The following ZNRF3 variants were observed in gnomAD, a reference collection of about 807,000 sequenced individuals.
ZNRF3 encodes the protein zinc and ring finger 3, also known as E3 ubiquitin-protein ligase ZNRF3.
ZNRF3 carries 23 observed loss-of-function variants against 72.5 expected under a neutral mutation model. That is an observed-to-expected ratio of 0.32 (90% CI 0.23 to 0.45). The LOEUF (loss-of-function observed/expected upper bound fraction) is 0.45, where lower values mean the gene tolerates loss of function less well. Among genes scored for constraint, ZNRF3 ranks in the 20% least tolerant of loss-of-function variants. The pLI is 1.00. For missense variants in ZNRF3, 1,169 were observed against 1,272.1 expected, an observed-to-expected ratio of 0.92 and a Z score of 1.23; for synonymous variants, 610 against 545.3, an observed-to-expected ratio of 1.12 and a Z score of -1.65.
chr22:28,890,592 T>G (rs901065059), intron 1 of ZNRF3, among the ~76,000 whole-genome samples: 3 of 152,180 alleles, frequency 2.0e-5, no homozygotes, highest in Non-Finnish European at 2.9e-5. Context: ...GTTCTTTTCC[T>G]GATGAAACTG....
At chr22:28,932,055 T>G (rs1428697147) in intron 1 of ZNRF3, among the ~76,000 whole-genome samples, 2 of 152,212 alleles carry the variant, frequency 1.3e-5, no homozygotes, top group Non-Finnish European at 2.9e-5. Context: ...ACAGGTGTAG[T>G]GCGTGGCACC....
intron 2 of ZNRF3, among the ~76,000 whole-genome samples, chr22:29,007,052 A>G (rs1430417503): frequency 6.6e-6 from 1 of 152,246 alleles, no homozygotes; most frequent in African/African-American, 2.4e-5. Context: ...TGAAATCCTT[A>G]CAGTATCCCC....
intron 1 of ZNRF3, among the ~76,000 whole-genome samples, chr22:28,947,989 C>T (rs1435942467): frequency 2.6e-5 from 4 of 151,946 alleles, no homozygotes; most frequent in African/African-American, 7.3e-5. Flanking sequence ...GGACTACAGG[C>T]GTGTGCCACC....
Position 28,884,056 on chromosome 22 carries a change from A to T in ZNRF3, c.290A>T (p.Glu97Val). ...RAGATLSAEG[E>V]IVQMHPLGLC... ...GGGGCCACGCTCAGCGCCGAGGGCG[A>T]GATCGTGCAGGTAGCTGCCCGCCGC... is the stretch of plus-strand genomic sequence containing the variant. Residue 97 changes from glutamate (E) to valine (V), a missense_variant, in exon 1 of 9, where the codon GAG (glutamate) becomes GTG (valine). Coordinates refer to ENST00000544604, the MANE Select transcript of ZNRF3 (RefSeq NM_001206998.2). 1 of 1,243,418 alleles carries T rather than the reference A, an allele frequency of 8.0e-7. No individual in the cohort carries two copies. The highest frequency in any genetic ancestry group is 1.0e-6 in the Non-Finnish European group (1 of 971,466). 77.0% of individuals were successfully genotyped at this position (1,243,418 alleles called of 1,614,324 possible).
chr22:28,932,494 G>A (rs992484360), intron 1 of ZNRF3, among the ~76,000 whole-genome samples: 1 of 152,166 alleles, frequency 6.6e-6, no homozygotes, highest in African/African-American at 2.4e-5. Flanking sequence ...GAGAATCTCA[G>A]GCAGTGTGAG....
At position 28,978,051 on chromosome 22, in the gene ZNRF3, TAGTC is replaced by T. The variant is rs1461850826; in HGVS notation, c.301-9020_301-9017del. Reference sequence around the variant, plus strand: ...AACATGAAACCACATGAAACCATGATAGTCAGTCTCACTGGGCTCTGAGGAAGTT... The same window carrying T: ...AACATGAAACCACATGAAACCATGATAGTCTCACTGGGCTCTGAGGAAGTT... On this transcript the variant is annotated intron_variant, in intron 1 of 8. Coordinates refer to ENST00000544604, the MANE Select transcript of ZNRF3 (RefSeq NM_001206998.2). Among the ~76,000 whole-genome samples, 14 of 152,362 alleles carry T rather than the reference TAGTC, an allele frequency of 9.2e-5. No individual in the cohort carries two copies. The East Asian group carries it at 1.5e-3, about 17-fold the overall frequency.
intron 1 of ZNRF3, among the ~76,000 whole-genome samples, chr22:28,957,831 G>A (rs978992421): frequency 3.8e-4 from 58 of 152,250 alleles, no homozygotes; most frequent in African/African-American, 1.4e-3. Context: ...AATAAATGTT[G>A]TGTGCAGTTT....
chr22:29,028,139 T>C (rs1416879880), intron 2 of ZNRF3, among the ~76,000 whole-genome samples: 1 of 152,190 alleles, frequency 6.6e-6, no homozygotes, highest in Non-Finnish European at 1.5e-5. Flanking sequence ...CTTAGATCCT[T>C]AAGAATAAAG....
intron 1 of ZNRF3, among the ~76,000 whole-genome samples, chr22:28,889,174 A>G (rs1002020898): frequency 6.6e-6 from 1 of 152,210 alleles, no homozygotes; most frequent in African/African-American, 2.4e-5. Context: ...CCAAGTGAAC[A>G]GAACTTGGCT....
intron 1 of ZNRF3, among the ~76,000 whole-genome samples, chr22:28,919,083 C>T (rs1028005714): frequency 2.6e-5 from 4 of 152,186 alleles, no homozygotes; most frequent in Admixed American, 2.0e-4. Flanking sequence ...TGAGTATTTG[C>T]AGCCAAGGAG....
chr22:29,020,884 C>A (rs1016061724), intron 2 of ZNRF3, among the ~76,000 whole-genome samples: 9 of 151,800 alleles, frequency 5.9e-5, no homozygotes, highest in Admixed American at 1.3e-4. Flanking sequence ...GCAAGCTCCA[C>A]TTCCTGGGTT....
chr22:29,018,368 T>C (rs2036473054), intron 2 of ZNRF3: 1 of 217,956 alleles, frequency 4.6e-6, no homozygotes, highest in Non-Finnish European at 9.4e-6. Flanking sequence ...TAGATTTGTA[T>C]GATGGTGATT....
At position 29,005,442 on chromosome 22, in the gene ZNRF3, T is replaced by C. The variant is rs542778360; in HGVS notation, c.426+18241T>C. Among the ~76,000 whole-genome samples, 24 of 152,154 alleles carry C rather than the reference T, an allele frequency of 1.6e-4. 1 individual carries two copies. The highest frequency in any genetic ancestry group is 3.2e-4 in the Non-Finnish European group (22 of 68,020). ...CCTCTGTTTAGGAACCTTTCTGAAA[T>C]TGAAGAAAAGAGCAAAGCCTAAGCC... On this transcript the variant is annotated intron_variant, in intron 2 of 8. Transcript: ENST00000544604.
At chr22:29,053,526 C>G (rs1463218396) in intron 8 of ZNRF3, 53 bp from the exon 9 acceptor site, 9 of 1,584,472 alleles carry the variant, frequency 5.7e-6, no homozygotes, top group Non-Finnish European at 7.8e-6. Flanking sequence ...CTTGCCTGGT[C>G]CCATGTGTGG....
intron 1 of ZNRF3, among the ~76,000 whole-genome samples, chr22:28,942,910 A>G (rs1408871116): frequency 6.6e-6 from 1 of 152,074 alleles, no homozygotes; most frequent in East Asian, 1.9e-4. Flanking sequence ...TTACCGAGAC[A>G]GGATTGTATG....
intron 2 of ZNRF3, among the ~76,000 whole-genome samples, chr22:29,040,810 T>C (rs2036949218): frequency 6.6e-6 from 1 of 152,190 alleles, no homozygotes; most frequent in Non-Finnish European, 1.5e-5. Context: ...TTTGGTACTG[T>C]TTGGTGCTAA....
chr22:29,048,360 A>G lies in ZNRF3; in HGVS notation c.913-29A>G. 6.2e-7 allele frequency: 1 copy of G among 1,600,238 alleles called. No individual in the cohort carries two copies. Among genetic ancestry groups the G allele is most frequent in the Non-Finnish European group, 8.6e-7 (1 of 1,168,480 alleles). ...AGGACACACCTGCGAGGCTGAAGGCAGACTTGTGTCCCCTCTCTCCCTGCC... is the reference window on the plus strand; with the variant it reads ...AGGACACACCTGCGAGGCTGAAGGCGGACTTGTGTCCCCTCTCTCCCTGCC... On this transcript the variant is annotated intron_variant, in intron 6 of 8. Transcript: ENST00000544604. The surrounding 1 kb of genome is among the most constrained non-coding windows in gnomAD (Gnocchi z 4.9).
At chr22:29,000,659 T>C (rs1375414625) in intron 2 of ZNRF3, among the ~76,000 whole-genome samples, 1 of 152,204 alleles carries the variant, frequency 6.6e-6, no homozygotes, top group Admixed American at 6.5e-5. Context: ...CTGGGAAATT[T>C]ATAAAGAAAG....
At chr22:28,955,032 G>GTTTTTTTTTTTTTTTTTTTTT (rs372334361) in intron 1 of ZNRF3, among the ~76,000 whole-genome samples, 6 of 137,170 alleles carry the variant, frequency 4.4e-5, no homozygotes, top group Non-Finnish European at 7.7e-5. Context: ...TATTTTTGGT[G>GTTTTTTTTTTTTTTTTTTTTT]TTTTTTTTTT....
Sources: gnomAD v4.1 joint callset for allele counts (sites outside exome capture counted in the v4.1 genomes callset) on GRCh38, gnomAD v4.1.1 for gene constraint, Gnocchi (gnomAD v3.1) non-coding constraint, MANE v1.5 for transcripts, NCBI Gene and HGNC (gene_info 2026-07-23, HGNC 2026-07-21) for gene names.